Variants in ANKS1B observed in about 807,000 individuals in gnomAD.
ANKS1B encodes the protein ankyrin repeat and sterile alpha motif domain-containing protein 1B.
A neutral mutation model predicts 148.3 loss-of-function variants in ANKS1B; 36 were observed. The observed-to-expected ratio is 0.24, with a 90% CI of 0.19 to 0.32. The LOEUF (loss-of-function observed/expected upper bound fraction) is 0.32. ANKS1B is among the 10% of genes least tolerant of loss of function. The pLI, the probability that ANKS1B is intolerant of heterozygous loss-of-function variation, is 1.00. For synonymous variants in ANKS1B, 542 were observed against 560.8 expected (o/e 0.97, Z 0.47); for missense variants, 1,157 against 1,542.6 (o/e 0.75, Z 4.19).
intron 12 of ANKS1B, among the ~76,000 whole-genome samples, chr12:99,277,023 C>T (rs1031196733): frequency 1.3e-5 from 2 of 152,146 alleles, no homozygotes; most frequent in Non-Finnish European, 2.9e-5. Flanking sequence ...TCACTAGGTC[C>T]CTTCTCCCCT....
chr12:99,150,287 C>A lies in ANKS1B; in HGVS notation c.2526+4002G>T, dbSNP rs550092383. The stretch of plus-strand genomic sequence containing the variant: ...GGAAACTGAATACACAGAACTTGGA[C>A]TTGAGAAGCTTTCAGTCTAATTGGG... On this transcript the variant is annotated intron_variant, in intron 15 of 26. Transcript: ENST00000683438. Among the ~76,000 whole-genome samples the A allele has an allele frequency of 8.5e-5, 13 of 152,278 alleles. No homozygotes were observed. In the East Asian group the frequency reaches 1.9e-3, roughly 23 times the overall value.
intron 8 of ANKS1B, among the ~76,000 whole-genome samples, chr12:99,677,731 T>C (rs1018887219): frequency 1.3e-5 from 2 of 152,206 alleles, no homozygotes; most frequent in African/African-American, 4.8e-5. Flanking sequence ...CCCAGCACTT[T>C]GGGAGGCTGA....
At position 99,775,593 on chromosome 12, in the gene ANKS1B, T is replaced by C. The variant is rs1410718625; in HGVS notation, c.916A>G (p.Thr306Ala). ...GACTCAACAGGAGATGAAATGTGTG[T>C]TTCTTGTGTTGCATCTTCCTGTACA... is the stretch of plus-strand genomic sequence containing the variant. ...EPVQEDATQE[T>A]HISSPVESPS... Residue 306 changes from threonine to alanine, a missense_variant, in exon 7 of 27, where the codon ACA becomes GCA. Around this residue, in one of 6 missense-constraint regions of ANKS1B, gnomAD observed 661 missense variants for 642.1 expected, o/e 1.03. Transcript: ENST00000683438. The C allele has an allele frequency of 1.9e-6, 3 of 1,613,362 alleles. No individual in the cohort carries two copies. The highest frequency in any genetic ancestry group is 2.7e-5 in the African/African-American group (2 of 74,926).
chr12:99,540,031 A>C (rs2097109966), intron 9 of ANKS1B, among the ~76,000 whole-genome samples: 1 of 152,184 alleles, frequency 6.6e-6, no homozygotes, highest in Non-Finnish European at 1.5e-5. Context: ...ATATTGAACA[A>C]ATAGACTTTG....
At chr12:99,690,607 A>G (rs899807702) in intron 8 of ANKS1B, among the ~76,000 whole-genome samples, 1 of 152,130 alleles carries the variant, frequency 6.6e-6, no homozygotes, top group African/African-American at 2.4e-5. Context: ...GTTCCAAAAT[A>G]ATCTCCTTTT....
intron 14 of ANKS1B, among the ~76,000 whole-genome samples, chr12:99,239,528 C>A (rs1299087003): frequency 6.6e-6 from 1 of 152,138 alleles, no homozygotes; most frequent in Non-Finnish European, 1.5e-5. Flanking sequence ...CCGAATCTAG[C>A]AAGGCAGGCC....
At chr12:99,533,701 T>C (rs2097028583) in intron 9 of ANKS1B, among the ~76,000 whole-genome samples, 1 of 152,156 alleles carries the variant, frequency 6.6e-6, no homozygotes, top group Admixed American at 6.5e-5. Flanking sequence ...TTTTGAGGTA[T>C]TTTAGCTACT....
At chr12:98,950,525 A>C (rs1333491706) in intron 17 of ANKS1B, among the ~76,000 whole-genome samples, 1 of 152,076 alleles carries the variant, frequency 6.6e-6, no homozygotes. Flanking sequence ...AAGAAACAGC[A>C]GAGTGTCCCA....
intron 15 of ANKS1B, among the ~76,000 whole-genome samples, chr12:99,133,839 G>A (rs560262251): frequency 5.2e-4 from 79 of 152,160 alleles, no homozygotes; most frequent in Admixed American, 2.2e-3. Flanking sequence ...GATAACTAGC[G>A]CCTGAACTTG....
At chr12:99,314,498 T>C (rs934797601) in intron 12 of ANKS1B, among the ~76,000 whole-genome samples, 5 of 152,132 alleles carry the variant, frequency 3.3e-5, no homozygotes, top group Non-Finnish European at 5.9e-5. Context: ...GGAGTCATCA[T>C]GCTACCTGAC....
chr12:99,073,421 C>G (rs946756589), intron 16 of ANKS1B, among the ~76,000 whole-genome samples: 1 of 152,128 alleles, frequency 6.6e-6, no homozygotes, highest in Non-Finnish European at 1.5e-5. Flanking sequence ...TTTTTCCTTC[C>G]TCTCTACCCA....
chr12:98,883,219 T>A (rs2099718943), intron 17 of ANKS1B, among the ~76,000 whole-genome samples: 1 of 152,222 alleles, frequency 6.6e-6, no homozygotes, highest in Non-Finnish European at 1.5e-5. Flanking sequence ...TAAGTTCTGT[T>A]TCAATTTTGC....
In ANKS1B at chr12:99,460,371, C is replaced by A. The variant is rs568129211; in HGVS notation, c.1439-16562G>T. 2.6e-5 allele frequency among the ~76,000 whole-genome samples: 4 copies of A among 152,046 alleles called. No homozygotes were observed. The East Asian group carries it at 7.7e-4, about 29-fold the overall frequency. On this transcript the variant is annotated intron_variant, in intron 10 of 26. Coordinates refer to ENST00000683438, the MANE Select transcript of ANKS1B (RefSeq NM_001352186.2). ...TTGGCTTAAGCAAAGACTTCATGAC[C>A]AAGAACCCAAAAACAAATGCAACAA...
At chr12:99,198,693 C>T (rs781120957) in intron 14 of ANKS1B, among the ~76,000 whole-genome samples, 1 of 152,134 alleles carries the variant, frequency 6.6e-6, no homozygotes, top group Non-Finnish European at 1.5e-5. Context: ...GGTCTCTTCT[C>T]TAATGGCATT....
At chr12:99,723,285 C>G (rs1205144159) in intron 8 of ANKS1B, among the ~76,000 whole-genome samples, 1 of 152,186 alleles carries the variant, frequency 6.6e-6, no homozygotes, top group African/African-American at 2.4e-5. Context: ...GCAGCCATCT[C>G]TATAGCTCCA....
In ANKS1B at chr12:99,468,214, G is replaced by A. The variant is rs879836173; in HGVS notation, c.1439-24405C>T. Reference sequence around the variant, plus strand: ...AAGGATTCCCTATTTAATAAATGGTGCTGGGAAAACTGGCTAGCCATATGT... The same window carrying A: ...AAGGATTCCCTATTTAATAAATGGTACTGGGAAAACTGGCTAGCCATATGT... On this transcript the variant is annotated intron_variant, in intron 10 of 26. Transcript: ENST00000683438. Among the ~76,000 whole-genome samples the A allele has an allele frequency of 3.8e-3, 576 of 152,220 alleles. 5 individuals carry two copies. The highest frequency in any genetic ancestry group is 6.1e-3 in the Non-Finnish European group (416 of 67,986).
chr12:98,765,217 T>A (rs948183238), intron 25 of ANKS1B, among the ~76,000 whole-genome samples: 7 of 152,176 alleles, frequency 4.6e-5, no homozygotes, highest in African/African-American at 1.7e-4. Context: ...ATAGGAGGTG[T>A]CCTATTATAA....
At chr12:99,805,520 G>T (rs574715993) in intron 4 of ANKS1B, among the ~76,000 whole-genome samples, 22 of 152,108 alleles carry the variant, frequency 1.4e-4, no homozygotes, top group African/African-American at 4.8e-4. Flanking sequence ...CCAGCTACTG[G>T]AGAGGCTGAG....
intron 12 of ANKS1B, among the ~76,000 whole-genome samples, chr12:99,302,904 A>C (rs954621130): frequency 6.6e-6 from 1 of 152,192 alleles, no homozygotes; most frequent in African/African-American, 2.4e-5. Flanking sequence ...TGACTATAAA[A>C]CTAAATTTCA....
Sources: allele counts gnomAD v4.1 joint callset (sites outside exome capture counted in the v4.1 genomes callset), GRCh38; gene constraint gnomAD v4.1.1; regional missense constraint gnomAD v4.1.1; transcripts MANE v1.5; gene names NCBI Gene and HGNC (gene_info 2026-07-23, HGNC 2026-07-21).